Variants in MATR3 observed in about 807,000 individuals in gnomAD.
MATR3 encodes the protein matrin-3.
MATR3 carries 4 observed loss-of-function variants against 85.5 expected under a neutral mutation model. The observed-to-expected ratio is 0.05, with a 90% CI of 0.02 to 0.11. The LOEUF is 0.11. Ranked by LOEUF, MATR3 falls within the 10% of genes least tolerant of loss-of-function variation. MATR3 has a pLI of 1.00. For missense variants in MATR3, 685 were observed against 1,016.1 expected (o/e 0.67, Z 4.43); for synonymous variants, 336 against 343.1 (o/e 0.98, Z 0.23).
intron 1 of MATR3, among the ~76,000 whole-genome samples, chr5:139,305,549 A>G (rs1378375922): frequency 6.6e-6 from 1 of 152,190 alleles, no homozygotes; most frequent in East Asian, 1.9e-4. Flanking sequence ...AATATGTGTG[A>G]AAATTTAGAG....
At chr5:139,315,537 C>T in intron 3 of MATR3, 160 bp from the exon 4 acceptor site, 1 of 543,138 alleles carries the variant, frequency 1.8e-6, no homozygotes, top group Non-Finnish European at 3.3e-6. Context: ...TGAAATTTTT[C>T]TTTTGAAATA....
At chr5:139,297,333 A>G (rs924121344) in intron 1 of MATR3, among the ~76,000 whole-genome samples, 3 of 152,208 alleles carry the variant, frequency 2.0e-5, no homozygotes, top group Non-Finnish European at 4.4e-5. Context: ...CCAAGAAATA[A>G]AGTGCTGTAA....
At position 139,330,985 on chromosome 5, in the gene MATR3, T is replaced by A; in HGVS notation, c.*1590T>A. Reference sequence around the variant, plus strand: ...TTTGGTTTTTTTGTATAGATGGGGCTTTGCCATGTTGCCCAGGTTGATCTT... The same window carrying A: ...TTTGGTTTTTTTGTATAGATGGGGCATTGCCATGTTGCCCAGGTTGATCTT... On this transcript the variant is annotated 3_prime_UTR_variant, in exon 15 of 15. Transcript: ENST00000394805. 1 of 454,068 alleles carries A rather than the reference T, an allele frequency of 2.2e-6. No individual in the cohort carries two copies. The allele number at this position is 454,068 out of a possible 1,614,324, so 28.1% of individuals were successfully genotyped here.
chr5:139,293,990 G>A, intron 1 of MATR3, 185 bp downstream of exon 1: 2 of 1,280,036 alleles, frequency 1.6e-6, no homozygotes, highest in Non-Finnish European at 2.0e-6. Flanking sequence ...CATGTTAGGA[G>A]CGCAGTGGCG....
At chr5:139,280,834 A>G (rs1753489389) in intron 3 of MATR3, 1 of 30,242 alleles carries the variant, frequency 3.3e-5, no homozygotes, top group Non-Finnish European at 5.6e-5. Context: ...AAAATAGATA[A>G]TTCATTGGTA....
At chr5:139,311,750 C>CTTTTTTTTTTATTTTTTT (rs1754987803) in intron 2 of MATR3, 1 of 65,194 alleles carries the variant, frequency 1.5e-5, no homozygotes, top group Non-Finnish European at 2.6e-5. Flanking sequence ...TTAATTAATC[C>CTTTTTTTTTTATTTTTTT]TTTTTTTTTT....
At chr5:139,295,728 C>G (rs992101559) in intron 1 of MATR3, among the ~76,000 whole-genome samples, 1 of 152,124 alleles carries the variant, frequency 6.6e-6, no homozygotes, top group African/African-American at 2.4e-5. Context: ...GTTCAAATCC[C>G]TAATTTTATA....
chr5:139,316,493 G>A (rs62381609), intron 5 of MATR3, among the ~76,000 whole-genome samples: 2 of 152,006 alleles, frequency 1.3e-5, no homozygotes, highest in East Asian at 1.9e-4. Flanking sequence ...TGGACTACCC[G>A]CCTCAGCCTC....
intron 13 of MATR3, 34 bp downstream of exon 13, chr5:139,325,696 AC>A: frequency 6.4e-7 from 1 of 1,558,636 alleles, no homozygotes. Flanking sequence ...CACCTTCCTC[AC>A]TCTCCTCAAA....
intron 2 of MATR3, among the ~76,000 whole-genome samples, chr5:139,308,743 G>A (rs1297082133): frequency 6.6e-6 from 1 of 152,146 alleles, no homozygotes; most frequent in Non-Finnish European, 1.5e-5. Flanking sequence ...TAGTAAAGAT[G>A]TATTCTTGAA....
chr5:139,289,332 T>C (rs558770500), upstream of MATR3, among the ~76,000 whole-genome samples: 4 of 152,290 alleles, frequency 2.6e-5, no homozygotes, highest in Admixed American at 1.3e-4. Flanking sequence ...GGAAGGAGGA[T>C]AGCTTATAGC....
chr5:139,299,279 G>C (rs1754319854), intron 1 of MATR3, among the ~76,000 whole-genome samples: 1 of 152,198 alleles, frequency 6.6e-6, no homozygotes. Flanking sequence ...AGTAGTTTCT[G>C]TAAATGGAAT....
At chr5:139,319,221 T>G in intron 8 of MATR3, 113 bp from the exon 9 acceptor site, 1 of 1,332,560 alleles carries the variant, frequency 7.5e-7, no homozygotes, top group Non-Finnish European at 1.1e-6. Flanking sequence ...CTGGGCAACA[T>G]AGCAAGACCT....
rs144541475 is a variant in MATR3, at chr5:139,287,196, T to G, written c.-178+8067T>G. Among the ~76,000 whole-genome samples the G allele has an allele frequency of 5.7e-4, 87 of 152,378 alleles. 1 individual carries two copies. The Middle Eastern group carries it at 0.017, about 30-fold the overall frequency. ...GATGACAGGACTCCTCATATTCACA[T>G]AATATATTTTAATGGATTTTGTGGT... is the stretch of plus-strand genomic sequence containing the variant. On this transcript the variant is annotated intron_variant, in intron 3 of 16. Transcript: ENST00000509990.
At chr5:139,317,753 AT>A (rs1755327058) in intron 7 of MATR3, 32 bp downstream of exon 7, 1 of 1,509,254 alleles carries the variant, frequency 6.6e-7, no homozygotes, top group Non-Finnish European at 9.1e-7. Flanking sequence ...TTATTCATTT[AT>A]TCATGCCACT....
intron 1 of MATR3, chr5:139,294,149 G>T: frequency 9.8e-7 from 1 of 1,023,528 alleles, no homozygotes; most frequent in African/African-American, 1.7e-5. Flanking sequence ...CGTTGTGGGC[G>T]GGGGCGGGAC....
At chr5:139,301,703 A>G (rs745942976) in intron 1 of MATR3, among the ~76,000 whole-genome samples, 1 of 152,244 alleles carries the variant, frequency 6.6e-6, no homozygotes, top group Non-Finnish European at 1.5e-5. Context: ...CGTAGTTCAA[A>G]TAGACAATGA....
chr5:139,306,673 T>A (rs1446389153), intron 1 of MATR3, among the ~76,000 whole-genome samples: 2 of 152,236 alleles, frequency 1.3e-5, no homozygotes, highest in Admixed American at 1.3e-4. Context: ...ACATCTATCT[T>A]CACCTCAAAT....
At chr5:139,301,613 C>T (rs1397681946) in intron 1 of MATR3, among the ~76,000 whole-genome samples, 3 of 151,854 alleles carry the variant, frequency 2.0e-5, no homozygotes, top group Non-Finnish European at 2.9e-5. Flanking sequence ...TAAGCCACCG[C>T]GCCCAGCCCA....
Sources: gnomAD v4.1 joint callset for allele counts (sites outside exome capture counted in the v4.1 genomes callset) on GRCh38, gnomAD v4.1.1 for gene constraint, MANE v1.5 for transcripts, NCBI Gene and HGNC (gene_info 2026-07-23, HGNC 2026-07-21) for gene names.